The following NRXN1 variants were observed in gnomAD, a reference collection of about 807,000 sequenced individuals.
NRXN1 encodes neurexin-1.
In NRXN1, 39 loss-of-function variants were observed where a neutral mutation model predicts 150.9. The observed-to-expected ratio is 0.26, with a 90% CI of 0.20 to 0.34. The LOEUF is 0.34. Among genes scored for constraint, NRXN1 ranks in the 10% least tolerant of loss-of-function variants. The probability of loss-of-function intolerance (pLI) is 1.00; values close to 1 mark genes in which losing one functional copy is unlikely to be tolerated. For synonymous variants in NRXN1, 924 were observed against 757.0 expected (o/e 1.22, Z -3.62); for missense variants, 1,815 against 1,949.9 (o/e 0.93, Z 1.30).
intron 15 of NRXN1, among the ~76,000 whole-genome samples, chr2:50,482,840 A>G (rs371010667): frequency 6.6e-5 from 10 of 152,106 alleles, no homozygotes; most frequent in African/African-American, 2.2e-4. Flanking sequence ...TCAGGCCTAT[A>G]ATCCCAGCAC....
At chr2:50,624,718 T>C (rs530636587) in intron 5 of NRXN1, 4 of 152,108 alleles carry the variant, frequency 2.6e-5, no homozygotes, top group African/African-American at 9.7e-5. Context: ...TAGGGCTGGC[T>C]GTTATGACAC....
chr2:49,955,621 T>C (rs1172357280), intron 21 of NRXN1, among the ~76,000 whole-genome samples: 3 of 150,048 alleles, frequency 2.0e-5, no homozygotes, highest in African/African-American at 7.4e-5. Flanking sequence ...GTTTTTTTTT[T>C]ACCTACATAA....
At chr2:50,056,297 C>T (rs1693606902) in intron 19 of NRXN1, among the ~76,000 whole-genome samples, 1 of 152,080 alleles carries the variant, frequency 6.6e-6, no homozygotes, top group Non-Finnish European at 1.5e-5. Flanking sequence ...ATACATTATA[C>T]TTACCACTAA....
intron 2 of NRXN1, among the ~76,000 whole-genome samples, chr2:51,014,394 A>G (rs755198607): frequency 6.6e-6 from 1 of 152,056 alleles, no homozygotes; most frequent in Non-Finnish European, 1.5e-5. Context: ...TATGGATTTT[A>G]TTTCCACTGA....
intron 5 of NRXN1, among the ~76,000 whole-genome samples, chr2:50,899,073 A>G (rs1475935743): frequency 6.6e-6 from 1 of 152,178 alleles, no homozygotes; most frequent in East Asian, 1.9e-4. Context: ...TTGCCGAAGA[A>G]CTATTCAGCA....
intron 18 of NRXN1, among the ~76,000 whole-genome samples, chr2:50,195,359 C>T (rs1325998557): frequency 6.6e-6 from 1 of 152,110 alleles, no homozygotes; most frequent in African/African-American, 2.4e-5. Flanking sequence ...TTGCTTCATG[C>T]ATGATCTTTA....
At chr2:50,656,606 A>G (rs1389074907) in intron 5 of NRXN1, among the ~76,000 whole-genome samples, 1 of 151,964 alleles carries the variant, frequency 6.6e-6, no homozygotes, top group Non-Finnish European at 1.5e-5. Context: ...TTGGCTATTC[A>G]TTCCTGAATG....
intron 13 of NRXN1, among the ~76,000 whole-genome samples, chr2:50,503,262 C>A (rs575915995): frequency 1.3e-5 from 2 of 150,952 alleles, no homozygotes; most frequent in African/African-American, 4.9e-5. Context: ...GAGCTGAGAT[C>A]ACTCCACTGC....
chr2:50,079,130 G>C (rs929702229), intron 19 of NRXN1, among the ~76,000 whole-genome samples: 1 of 151,740 alleles, frequency 6.6e-6, no homozygotes, highest in African/African-American at 2.4e-5. Context: ...TATCTCTATG[G>C]GTTCATAGAT....
intron 17 of NRXN1, among the ~76,000 whole-genome samples, chr2:50,246,595 GA>G (rs1396406719): frequency 6.6e-6 from 1 of 151,974 alleles, no homozygotes; most frequent in African/African-American, 2.4e-5. Context: ...GACTGGAACA[GA>G]AGGGAATATT....
intron 17 of NRXN1, among the ~76,000 whole-genome samples, chr2:50,299,664 C>G (rs1279097079): frequency 6.6e-6 from 1 of 152,040 alleles, no homozygotes; most frequent in Non-Finnish European, 1.5e-5. Flanking sequence ...TTTTATTATT[C>G]AAATTGTTCT....
chr2:50,745,304 C>A (rs983357570), intron 5 of NRXN1, among the ~76,000 whole-genome samples: 1 of 145,786 alleles, frequency 6.9e-6, no homozygotes, highest in Non-Finnish European at 1.5e-5. Flanking sequence ...TATCTGCCCC[C>A]CCCCAGGACT....
In NRXN1 at chr2:49,964,449, G is replaced by A. The variant is rs141363441; in HGVS notation, c.4129-20658C>T. On this transcript the variant is annotated intron_variant, in intron 21 of 22. Coordinates refer to ENST00000401669, the MANE Select transcript of NRXN1 (RefSeq NM_001330078.2). ...CAAAAAATTAATCGGGTGTGGTGGC[G>A]CACACCTGTAATGCCAGCTACTCGG... Among the ~76,000 whole-genome samples the A allele has an allele frequency of 1.9e-3, 293 of 151,780 alleles. 1 individual carries two copies. Among genetic ancestry groups the A allele is most frequent in the African/African-American group, 6.0e-3 (249 of 41,384 alleles).
intron 5 of NRXN1, among the ~76,000 whole-genome samples, chr2:50,638,083 C>T (rs576676206): frequency 2.6e-4 from 39 of 152,028 alleles, no homozygotes; most frequent in Admixed American, 8.5e-4. Context: ...AGATCCATAA[C>T]ATTTACGAGA....
chr2:50,699,257 CT>C (rs1009654046), intron 5 of NRXN1, among the ~76,000 whole-genome samples: 5 of 152,212 alleles, frequency 3.3e-5, no homozygotes, highest in African/African-American at 4.8e-5. Flanking sequence ...CACCTTATAA[CT>C]TTTGGGATTC....
chr2:50,992,641 G>A (rs1441085175), intron 2 of NRXN1, among the ~76,000 whole-genome samples: 1 of 151,936 alleles, frequency 6.6e-6, no homozygotes, highest in African/African-American at 2.4e-5. Context: ...TCAGGAAGCT[G>A]GTTTAATGAG....
At chr2:50,479,798 G>C (rs2090319523) in intron 15 of NRXN1, among the ~76,000 whole-genome samples, 1 of 84,138 alleles carries the variant, frequency 1.2e-5, no homozygotes. Flanking sequence ...TTTTGAGATG[G>C]AGTCTTGCTC....
rs140703684 is a variant in NRXN1, at chr2:50,262,008, G to C, written c.3365-25038C>G. ...TCCAGCTCTATTCTGAGTTTAAAATGTCACTCCACCAAAGCCGGCGTTAAC... is the reference window on the plus strand; with the variant it reads ...TCCAGCTCTATTCTGAGTTTAAAATCTCACTCCACCAAAGCCGGCGTTAAC... On this transcript the variant is annotated intron_variant, in intron 17 of 22. Transcript: ENST00000401669. Among the ~76,000 whole-genome samples the C allele has an allele frequency of 2.8e-4, 43 of 151,974 alleles. 1 individual carries two copies. The highest frequency in any genetic ancestry group is 1.0e-3 in the African/African-American group (42 of 41,526).
At chr2:50,140,253 A>T (rs939296918) in intron 18 of NRXN1, among the ~76,000 whole-genome samples, 10 of 152,174 alleles carry the variant, frequency 6.6e-5, no homozygotes, top group African/African-American at 2.4e-4. Context: ...TCAGGGACCA[A>T]TACAATAGAG....
Sources: allele counts gnomAD v4.1 joint callset (sites outside exome capture counted in the v4.1 genomes callset), GRCh38; gene constraint gnomAD v4.1.1; transcripts MANE v1.5; gene names NCBI Gene and HGNC (gene_info 2026-07-23, HGNC 2026-07-21).